The following PSORS1C1 variants were observed in gnomAD, a reference collection of about 807,000 sequenced individuals.
PSORS1C1 encodes the protein psoriasis susceptibility 1 candidate gene 1 protein.
PSORS1C1 carries 7 observed loss-of-function variants against 9.4 expected under a neutral mutation model. The observed-to-expected ratio is 0.75, with a 90% confidence interval of 0.42 to 1.40. The LOEUF (loss-of-function observed/expected upper bound fraction) is 1.40, where lower values mean the gene tolerates loss of function less well. Among genes scored for constraint, PSORS1C1 ranks in the 40% most tolerant of loss-of-function variants. The pLI, the probability that PSORS1C1 is intolerant of heterozygous loss-of-function variation, is 0.01. For missense variants in PSORS1C1, 146 were observed against 178.1 expected (o/e 0.82, Z 1.02); for synonymous variants, 63 against 69.4 (o/e 0.91, Z 0.46).
chr6:31,134,375 T>G (rs1773050899), intron 3 of PSORS1C1, among the ~76,000 whole-genome samples: 1 of 151,572 alleles, frequency 6.6e-6, no homozygotes, highest in Non-Finnish European at 1.5e-5. Flanking sequence ...CGATCTCGGC[T>G]CACTGCAAGC....
Position 31,135,313 on chromosome 6 carries a change from T to C in PSORS1C1, c.14-3117T>C, listed in dbSNP as rs141333408. ...GTGCAGTGGTGCGATCTCGGCTCAC[T>C]GCAACCTCTGCCTCCCAGGTTCAAG... is the stretch of plus-strand genomic sequence containing the variant. On this transcript the variant is annotated intron_variant, in intron 3 of 5. Coordinates refer to ENST00000259881, the MANE Select transcript of PSORS1C1 (RefSeq NM_014068.3). 6.7e-3 allele frequency among the ~76,000 whole-genome samples: 1,021 copies of C among 152,284 alleles called. 7 individuals carry two copies. Among genetic ancestry groups the C allele is most frequent in the African/African-American group, 0.012 (515 of 41,542 alleles).
intron 3 of PSORS1C1, among the ~76,000 whole-genome samples, chr6:31,130,403 C>A (rs1772855063): frequency 3.9e-5 from 5 of 128,794 alleles, no homozygotes. Context: ...CTACCATGGC[C>A]TGGCTAATTG....
chr6:31,116,865 C>G (rs1205610648), intron 1 of PSORS1C1: 17 of 1,614,132 alleles, frequency 1.1e-5, no homozygotes, highest in Non-Finnish European at 1.4e-5. Context: ...CCACAGGCCT[C>G]TGACCCCCTG....
At chr6:31,117,260 A>G (rs1772202152) in intron 1 of PSORS1C1, 1 of 1,609,496 alleles carries the variant, frequency 6.2e-7, no homozygotes, top group African/African-American at 1.3e-5. Context: ...CCAGATCCGG[A>G]GGAGTAGCTG....
At position 31,117,478 on chromosome 6, in the gene PSORS1C1, G is replaced by T. The variant is rs1280456389; in HGVS notation, c.-229+2587G>T. 6 of 1,553,006 alleles carry T rather than the reference G, an allele frequency of 3.9e-6. No homozygotes were observed. The East Asian group carries it at 1.5e-4, about 38-fold the overall frequency. ...GGGGTCGTTAGGGGAGGTGATACGC[G>T]TGGGGTCCTTACAAGGGTCTGAGAA... On this transcript the variant is annotated intron_variant, in intron 1 of 5. Coordinates refer to ENST00000259881, the MANE Select transcript of PSORS1C1 (RefSeq NM_014068.3).
chr6:31,138,268 C>A (rs1212450518), intron 3 of PSORS1C1, 162 bp from the exon 4 acceptor site: 1 of 1,577,738 alleles, frequency 6.3e-7, no homozygotes, highest in Non-Finnish European at 8.6e-7. Context: ...CGGTCCTCTG[C>A]GGGTGGGTGA....
chr6:31,125,648 C>G (rs1013088088), intron 1 of PSORS1C1, 28 bp from the exon 2 acceptor site: 2 of 152,380 alleles, frequency 1.3e-5, no homozygotes, highest in Non-Finnish European at 2.9e-5. Context: ...GGGAATACCC[C>G]CTCACTTCTG....
At chr6:31,138,938 C>A in intron 5 of PSORS1C1, 159 bp downstream of exon 5, 3 of 1,611,988 alleles carry the variant, frequency 1.9e-6, no homozygotes, top group Non-Finnish European at 2.5e-6. Flanking sequence ...CTCATCACCC[C>A]AAACTGCAGT....
In PSORS1C1 at chr6:31,134,823, T is replaced by C. The variant is rs73397044; in HGVS notation, c.14-3607T>C. ...TTGAAAAACTATGTCCCTTGCACAT[T>C]TGTATTGTTTTGAGACACGGTCTCA... On this transcript the variant is annotated intron_variant, in intron 3 of 5. Coordinates refer to ENST00000259881, the MANE Select transcript of PSORS1C1 (RefSeq NM_014068.3). 2.3e-3 allele frequency among the ~76,000 whole-genome samples: 351 copies of C among 152,170 alleles called. 2 individuals carry two copies. The highest frequency in any genetic ancestry group is 8.0e-3 in the East Asian group (41 of 5,154).
rs991470955 is a variant in PSORS1C1, at chr6:31,115,678, C to T, written c.-229+787C>T. On this transcript the variant is annotated intron_variant, in intron 1 of 5. Coordinates refer to ENST00000259881, the MANE Select transcript of PSORS1C1 (RefSeq NM_014068.3). The surrounding 1 kb of genome is among the most constrained non-coding windows in gnomAD (Gnocchi z 4.2). The stretch of plus-strand genomic sequence containing the variant: ...CTCTGAGAGCATTTCAGGGGTTTCC[C>T]AGTTGAGAAGCTGATGGGGGTGTTA... 1.5e-5 allele frequency: 5 copies of T among 340,414 alleles called. No homozygotes were observed. Among genetic ancestry groups the T allele is most frequent in the Non-Finnish European group, 2.7e-5 (5 of 186,712 alleles). The allele number at this position is 340,414 out of a possible 1,614,324, so 21.1% of individuals were successfully genotyped here. A position where few individuals can be genotyped will look rare whatever the true frequency, so the allele number is the denominator to read the frequency against.
intron 1 of PSORS1C1, chr6:31,117,543 C>T (rs1772231352): frequency 1.3e-6 from 2 of 1,548,988 alleles, no homozygotes; most frequent in African/African-American, 2.7e-5. Context: ...TGGAGGAAAG[C>T]AGTGGTTAGT....
chr6:31,130,422 T>G (rs954264635), intron 3 of PSORS1C1, among the ~76,000 whole-genome samples: 4 of 151,954 alleles, frequency 2.6e-5, no homozygotes, highest in Admixed American at 6.6e-5. Context: ...TGTTTGTTTT[T>G]TTTTTTTGAG....
At chr6:31,118,999 C>T (rs564302500) in intron 1 of PSORS1C1, among the ~76,000 whole-genome samples, 2 of 151,920 alleles carry the variant, frequency 1.3e-5, no homozygotes, top group Admixed American at 6.6e-5. Context: ...CCCGCCACCA[C>T]ACCCAGCTAA....
Position 31,139,200 on chromosome 6 carries a change from G to T in PSORS1C1, c.167+421G>T. 1 of 604,792 alleles carries T rather than the reference G, an allele frequency of 1.7e-6. No individual in the cohort carries two copies. The allele number at this position is 604,792 out of a possible 1,614,324, so 37.5% of individuals were successfully genotyped here. On this transcript the variant is annotated intron_variant, in intron 5 of 5. Coordinates refer to ENST00000259881, the MANE Select transcript of PSORS1C1 (RefSeq NM_014068.3). This position sits in a 1 kb window ranked among gnomAD's most constrained non-coding sequence, Gnocchi z 5.2. ...CCTGGGCTGATGTGTCACCCCTGAA[G>T]GTGGCGTCCCTTATTTTAGTCCTCC...
rs1349661834 is a variant in PSORS1C1, at chr6:31,139,283, C to T, written c.168-358C>T. 3 of 577,380 alleles carry T rather than the reference C, an allele frequency of 5.2e-6. No individual in the cohort carries two copies. The highest frequency in any genetic ancestry group is 3.7e-5 in the African/African-American group (2 of 53,448). 35.8% of individuals were successfully genotyped at this position (577,380 alleles called of 1,614,324 possible). A position where few individuals can be genotyped will look rare whatever the true frequency, so the allele number is the denominator to read the frequency against. ...ATGACCCAGAGCCTGCGTCACCCCACCCTGGTTTTCACACCCTCCATCCAC... is the reference window on the plus strand; with the variant it reads ...ATGACCCAGAGCCTGCGTCACCCCATCCTGGTTTTCACACCCTCCATCCAC... On this transcript the variant is annotated intron_variant, in intron 5 of 5. Transcript: ENST00000259881. The surrounding 1 kb of genome is among the most constrained non-coding windows in gnomAD (Gnocchi z 5.2).
intron 1 of PSORS1C1, among the ~76,000 whole-genome samples, chr6:31,119,129 C>T (rs1772326406): frequency 1.3e-5 from 2 of 152,064 alleles, no homozygotes; most frequent in African/African-American, 4.8e-5. Flanking sequence ...CAGGCACAAG[C>T]TATCATGTGC....
intron 3 of PSORS1C1, among the ~76,000 whole-genome samples, chr6:31,130,633 C>T (rs9766032): frequency 0.22 from 33,083 of 151,732 alleles, 4,165 homozygotes; most frequent in African/African-American, 0.34. Flanking sequence ...GATCTCCTGA[C>T]CTCGCGATCC....
intron 1 of PSORS1C1, among the ~76,000 whole-genome samples, chr6:31,124,474 A>C (rs1305175331): frequency 6.6e-6 from 1 of 152,234 alleles, no homozygotes; most frequent in African/African-American, 2.4e-5. Flanking sequence ...ACCAGCTGCT[A>C]ACAAGCAAAA....
intron 1 of PSORS1C1, among the ~76,000 whole-genome samples, chr6:31,124,076 G>C (rs1198941527): frequency 2.3e-4 from 35 of 152,198 alleles, no homozygotes; most frequent in Admixed American, 2.3e-3. Flanking sequence ...GGGACAGGCT[G>C]CTTGGATCAG....
Sources: gnomAD v4.1 joint callset for allele counts (sites outside exome capture counted in the v4.1 genomes callset) on GRCh38, gnomAD v4.1.1 for gene constraint, Gnocchi (gnomAD v3.1) non-coding constraint, MANE v1.5 for transcripts, NCBI Gene and HGNC (gene_info 2026-07-23, HGNC 2026-07-21) for gene names.